Variants in NPFFR2 observed in about 807,000 individuals in gnomAD.
NPFFR2 encodes the protein neuropeptide FF receptor 2.
In NPFFR2, 15 loss-of-function variants were observed where a neutral mutation model predicts 13.1. The ratio of observed to expected loss-of-function variants is 1.15; its 90% CI spans 0.77 to 1.76. The LOEUF is 1.76. Ranked by LOEUF, NPFFR2 falls within the 40% of genes most tolerant of loss-of-function variation. The probability of loss-of-function intolerance (pLI) is 0.00; values close to 1 mark genes in which losing one functional copy is unlikely to be tolerated. For missense variants in NPFFR2, 572 were observed against 503.5 expected, an observed-to-expected ratio of 1.14 and a Z score of -1.30; for synonymous variants, 190 against 175.7, an observed-to-expected ratio of 1.08 and a Z score of -0.65.
At chr4:72,134,765 A>C (rs565283284) in intron 2 of NPFFR2, among the ~76,000 whole-genome samples, 61 of 152,222 alleles carry the variant, frequency 4.0e-4, no homozygotes, top group African/African-American at 1.5e-3. Context: ...ATATACGTGC[A>C]GGTACGTTTC....
chr4:72,144,116 C>T (rs1281931040), intron 3 of NPFFR2, among the ~76,000 whole-genome samples: 2 of 152,102 alleles, frequency 1.3e-5, no homozygotes, highest in African/African-American at 2.4e-5. Flanking sequence ...TACTTGATGT[C>T]AGGTGGAGCA....
At position 72,127,355 on chromosome 4, in the gene NPFFR2, C is replaced by CTTTTTTTTTTTTTTTTTT. The variant is rs1341571145; in HGVS notation, c.-7-1226_-7-1225insTTTTTTTTTTTTTTTTTT. On this transcript the variant is annotated intron_variant, in intron 1 of 3. Coordinates refer to ENST00000308744, the MANE Select transcript of NPFFR2 (RefSeq NM_004885.3). ...AAGTCATACAGATTCTAAATAATTT[C>CTTTTTTTTTTTTTTTTTT]TTTTCTTTTTTTTTTTTTTTTTTTT... Among the ~76,000 whole-genome samples, 39 of 91,200 alleles carry CTTTTTTTTTTTTTTTTTT rather than the reference C, an allele frequency of 4.3e-4. 3 individuals are homozygous for CTTTTTTTTTTTTTTTTTT. Among genetic ancestry groups the CTTTTTTTTTTTTTTTTTT allele is most frequent in the African/African-American group, 1.8e-3 (38 of 21,706 alleles). 59.8% of individuals were successfully genotyped at this position (91,200 alleles called of 152,430 possible). A position where few individuals can be genotyped will look rare whatever the true frequency, so the allele number is the denominator to read the frequency against.
intron 1 of NPFFR2, among the ~76,000 whole-genome samples, chr4:72,055,882 A>G (rs998435299): frequency 1.3e-5 from 2 of 151,996 alleles, no homozygotes; most frequent in Non-Finnish European, 2.9e-5. Flanking sequence ...CCCTAACTCT[A>G]TTCAATTCTA....
Position 72,142,235 on chromosome 4 carries a change from T to C in NPFFR2, c.428+4096T>C, listed in dbSNP as rs570596165. ...CAATTTGCCAGTCTGTGTCTTTTAA[T>C]TGGGGCATTTATCGCATTTACATTT... On this transcript the variant is annotated intron_variant, in intron 3 of 3. Transcript: ENST00000308744. 5.9e-5 allele frequency among the ~76,000 whole-genome samples: 9 copies of C among 152,282 alleles called. No individual in the cohort carries two copies. In the East Asian group the frequency reaches 1.7e-3, roughly 29 times the overall value.
intron 1 of NPFFR2, among the ~76,000 whole-genome samples, chr4:72,049,207 A>G (rs907408373): frequency 3.9e-5 from 6 of 152,290 alleles, no homozygotes; most frequent in East Asian, 3.9e-4. Flanking sequence ...AACTTGTCCT[A>G]TGAAAATTAT....
intron 1 of NPFFR2, among the ~76,000 whole-genome samples, chr4:72,042,273 T>A (rs1206395608): frequency 6.6e-6 from 1 of 152,172 alleles, no homozygotes; most frequent in African/African-American, 2.4e-5. Context: ...ATTGTAAGTT[T>A]TCTGAGGCCT....
At position 72,038,901 on chromosome 4, in the gene NPFFR2, C is replaced by CTTTTTTTTTTTTTTTTTTTTTTTTTTT. The variant is rs34623356; in HGVS notation, c.-8+6704_-8+6705insTTTTTTTTTTTTTTTTTTTTTTTTTTT. On this transcript the variant is annotated intron_variant, in intron 1 of 3. Coordinates refer to ENST00000308744, the MANE Select transcript of NPFFR2 (RefSeq NM_004885.3). The stretch of plus-strand genomic sequence containing the variant: ...TTTTAATTCTTGATTTTTAAATTTC[C>CTTTTTTTTTTTTTTTTTTTTTTTTTTT]TTTCTTTTTTTTTTTTTTTTTTTTT... 4.6e-5 allele frequency among the ~76,000 whole-genome samples: 4 copies of CTTTTTTTTTTTTTTTTTTTTTTTTTTT among 86,918 alleles called. 2 individuals are homozygous for CTTTTTTTTTTTTTTTTTTTTTTTTTTT. Among genetic ancestry groups the CTTTTTTTTTTTTTTTTTTTTTTTTTTT allele is most frequent in the Non-Finnish European group, 4.5e-5 (2 of 44,612 alleles). 57.0% of individuals were successfully genotyped at this position (86,918 alleles called of 152,430 possible).
intron 3 of NPFFR2, among the ~76,000 whole-genome samples, chr4:72,141,057 A>G (rs958138763): frequency 7.9e-5 from 12 of 152,200 alleles, no homozygotes; most frequent in East Asian, 1.9e-4. Flanking sequence ...AGAGGTGTTT[A>G]TAGTATTCTC....
In NPFFR2 at chr4:72,145,929, A is replaced by T. The variant is rs188973289; in HGVS notation, c.429-1049A>T. On this transcript the variant is annotated intron_variant, in intron 3 of 3. Coordinates refer to ENST00000308744, the MANE Select transcript of NPFFR2 (RefSeq NM_004885.3). ...CTTTTGATTAACATAATGAAATTCA[A>T]TAATAATAACAAGATCCACAATATC... 5.9e-5 allele frequency among the ~76,000 whole-genome samples: 9 copies of T among 152,312 alleles called. 1 individual carries two copies. Among genetic ancestry groups the T allele is most frequent in the Admixed American group, 4.6e-4 (7 of 15,296 alleles).
At chr4:72,077,196 C>G (rs1412821110) in intron 1 of NPFFR2, among the ~76,000 whole-genome samples, 14 of 152,090 alleles carry the variant, frequency 9.2e-5, no homozygotes, top group Non-Finnish European at 7.4e-5. Flanking sequence ...TTCCTGAGTT[C>G]CATTCTTCCA....
At chr4:72,100,639 T>G (rs1238231209) in intron 1 of NPFFR2, among the ~76,000 whole-genome samples, 2 of 152,058 alleles carry the variant, frequency 1.3e-5, no homozygotes, top group Non-Finnish European at 2.9e-5. Flanking sequence ...AAAATAGAAT[T>G]TAAAAGTGTA....
chr4:72,116,811 C>T (rs1407980973), intron 1 of NPFFR2, among the ~76,000 whole-genome samples: 5 of 152,130 alleles, frequency 3.3e-5, no homozygotes, highest in East Asian at 1.9e-4. Context: ...TACATTGCCT[C>T]ATTTACTGTA....
At chr4:72,052,969 T>C (rs1241288292) in intron 1 of NPFFR2, among the ~76,000 whole-genome samples, 4 of 151,868 alleles carry the variant, frequency 2.6e-5, no homozygotes, top group Non-Finnish European at 5.9e-5. Context: ...CCCTACCCCT[T>C]GCTTCAAGTT....
chr4:72,048,832 G>A lies in NPFFR2; in HGVS notation c.-8+16632G>A, dbSNP rs563905057. On this transcript the variant is annotated intron_variant, in intron 1 of 3. Coordinates refer to ENST00000308744, the MANE Select transcript of NPFFR2 (RefSeq NM_004885.3). Reference sequence around the variant, plus strand: ...TTAGAGTTAGAATGTAATCTTTTTCGTAATTTCACAGATCATATTAAAATT... The same window carrying A: ...TTAGAGTTAGAATGTAATCTTTTTCATAATTTCACAGATCATATTAAAATT... Among the ~76,000 whole-genome samples the A allele has an allele frequency of 1.8e-4, 28 of 151,724 alleles. 1 individual carries two copies. Among genetic ancestry groups the A allele is most frequent in the East Asian group, 7.8e-4 (4 of 5,142 alleles).
intron 1 of NPFFR2, among the ~76,000 whole-genome samples, chr4:72,111,353 T>C (rs925975171): frequency 6.6e-6 from 1 of 151,952 alleles, no homozygotes; most frequent in Non-Finnish European, 1.5e-5. Context: ...TTCCTGGAAA[T>C]TGAGATGGAG....
chr4:72,094,783 C>T (rs186887535), intron 1 of NPFFR2, among the ~76,000 whole-genome samples: 1 of 152,320 alleles, frequency 6.6e-6, no homozygotes, highest in East Asian at 1.9e-4. Context: ...TCTGCTGCCC[C>T]ACAGAGCCTG....
At chr4:72,047,659 A>C (rs4618280) in intron 1 of NPFFR2, among the ~76,000 whole-genome samples, 146,813 of 152,212 alleles carry the variant, frequency 0.96, 71,036 homozygotes, top group East Asian at 1. Flanking sequence ...TAGCTTAATG[A>C]AAACTGTTAA....
Position 72,124,899 on chromosome 4 carries a change from A to G in NPFFR2, c.-7-3686A>G, listed in dbSNP as rs183919163. Among the ~76,000 whole-genome samples, 3 of 152,350 alleles carry G rather than the reference A, an allele frequency of 2.0e-5. No individual in the cohort carries two copies. The East Asian group carries it at 5.8e-4, about 29-fold the overall frequency. ...TGACTAAAACACCAAAAACAATGGC[A>G]ATAAAAGCCAAAATTGACAAATGAG... On this transcript the variant is annotated intron_variant, in intron 1 of 3. Coordinates refer to ENST00000308744, the MANE Select transcript of NPFFR2 (RefSeq NM_004885.3).
chr4:72,109,566 C>T (rs890988906), intron 1 of NPFFR2, among the ~76,000 whole-genome samples: 4 of 152,026 alleles, frequency 2.6e-5, no homozygotes, highest in African/African-American at 7.2e-5. Context: ...CTGCTCACTT[C>T]AAGAAGCAGA....
Sources: gnomAD v4.1 joint callset for allele counts (sites outside exome capture counted in the v4.1 genomes callset) on GRCh38, gnomAD v4.1.1 for gene constraint, MANE v1.5 for transcripts, NCBI Gene and HGNC (gene_info 2026-07-23, HGNC 2026-07-21) for gene names.